The following SIPA1L1 variants were observed in gnomAD, a reference collection of about 807,000 sequenced individuals.
SIPA1L1 encodes signal induced proliferation associated 1 like 1.
Under a neutral mutation model 162.7 loss-of-function variants are expected in SIPA1L1, and 26 were observed. The ratio of observed to expected loss-of-function variants is 0.16; its 90% CI spans 0.12 to 0.22. The LOEUF (loss-of-function observed/expected upper bound fraction) is 0.22. Among genes scored for constraint, SIPA1L1 ranks in the 10% least tolerant of loss-of-function variants. The pLI is 1.00. For missense variants in SIPA1L1, 1,874 were observed against 2,241.0 expected (o/e 0.84, Z 3.31); for synonymous variants, 829 against 837.4 (o/e 0.99, Z 0.17).
intron 5 of SIPA1L1, among the ~76,000 whole-genome samples, chr14:71,593,188 G>GTTATTTAT (rs60160795): frequency 5.1e-3 from 751 of 147,016 alleles, no homozygotes; most frequent in Middle Eastern, 0.01. Context: ...TGTGTTTTGT[G>GTTATTTAT]TTATTTATTT....
rs771407619 is a variant in SIPA1L1 at position 71,587,865 on chromosome 14, T to A, written c.-8T>A. ...CTGCAGGGATTTAAGTCTACTTGCT[T>A]TTACATCATGACCAGCTTGAAACGG... On this transcript the variant is annotated 5_prime_UTR_variant, in exon 5 of 24. Coordinates refer to ENST00000381232, the MANE Select transcript of SIPA1L1 (RefSeq NM_001386936.1). 39 of 1,595,430 alleles carry A rather than the reference T, an allele frequency of 2.4e-5. No homozygotes were observed. The Middle Eastern group carries it at 1.2e-3, about 48-fold the overall frequency.
intron 7 of SIPA1L1, among the ~76,000 whole-genome samples, chr14:71,627,887 G>C (rs576488590): frequency 6.6e-6 from 1 of 151,950 alleles, no homozygotes; most frequent in South Asian, 2.1e-4. Context: ...TACATATCTC[G>C]AATTACTTTC....
chr14:71,724,686 G>A lies in SIPA1L1; in HGVS notation c.4465G>A (p.Gly1489Ser), dbSNP rs749700110. ...MDTRKRHQSDGNEIAHTRLRA... is the reference protein window; with the variant it reads ...MDTRKRHQSDSNEIAHTRLRA... ...TTTGTCCAGGCGTCATCAGAGCGAT[G>A]GCAATGAAATAGCCCACACCAGGCT... The change falls in exon 19 of 24, where the codon GGC becomes AGC. Residue 1489 changes from glycine (G) to serine (S), a missense_variant. By Grantham distance (56) the Gly-to-Ser change is moderately conservative. Coordinates refer to ENST00000381232, the MANE Select transcript of SIPA1L1 (RefSeq NM_001386936.1). 6.2e-7 allele frequency: 1 copy of A among 1,613,288 alleles called. No homozygotes were observed. Among genetic ancestry groups the A allele is most frequent in the Non-Finnish European group, 8.5e-7 (1 of 1,179,798 alleles).
chr14:71,365,892 ATT>A (rs1555405458), intron 2 of SIPA1L1, among the ~76,000 whole-genome samples: 3 of 84,714 alleles, frequency 3.5e-5, no homozygotes, highest in Non-Finnish European at 5.0e-5. Context: ...TGCCTGGTTA[ATT>A]TTTTTTTTTT....
chr14:71,409,728 T>G (rs1219871134), intron 2 of SIPA1L1, among the ~76,000 whole-genome samples: 1 of 152,214 alleles, frequency 6.6e-6, no homozygotes, highest in East Asian at 1.9e-4. Context: ...CTCACTAAAC[T>G]CTGGGAGTGA....
intron 2 of SIPA1L1, chr14:71,379,655 C>G (rs1566951351): frequency 6.6e-6 from 1 of 152,228 alleles, no homozygotes; most frequent in Non-Finnish European, 1.5e-5. Context: ...ATATAAAACA[C>G]TAATTCAGTG....
At chr14:71,565,244 A>G (rs945108942) in intron 4 of SIPA1L1, among the ~76,000 whole-genome samples, 5 of 152,196 alleles carry the variant, frequency 3.3e-5, no homozygotes, top group African/African-American at 1.2e-4. Flanking sequence ...TCTGTCTTAT[A>G]TAACACAACC....
intron 13 of SIPA1L1, among the ~76,000 whole-genome samples, chr14:71,698,780 C>G (rs1019623010): frequency 2.0e-5 from 3 of 151,634 alleles, no homozygotes; most frequent in Admixed American, 6.6e-5. Context: ...ACCCCCACCC[C>G]CTCCAAGGCA....
chr14:71,339,406 A>G (rs536371998), intron 2 of SIPA1L1, among the ~76,000 whole-genome samples: 1 of 150,208 alleles, frequency 6.7e-6, no homozygotes, highest in Admixed American at 6.6e-5. Flanking sequence ...TCTGTAGGCC[A>G]GGCTGGAGTG....
chr14:71,588,774 A>C lies in SIPA1L1; in HGVS notation c.902A>C (p.Asn301Thr). ...TCATCTATTTTTCGTAAATTGCGCAATGCCAAAGGTGAAGAACTTGGGAAG... is the reference window on the plus strand; with the variant it reads ...TCATCTATTTTTCGTAAATTGCGCACTGCCAAAGGTGAAGAACTTGGGAAG... The part of the protein sequence containing the change: ...GDSSIFRKLR[N>T]AKGEELGKSS... Residue 301 changes from asparagine (N) to threonine (T), a missense_variant, in exon 5 of 24, where the codon AAT (asparagine) becomes ACT (threonine). Coordinates refer to ENST00000381232, the MANE Select transcript of SIPA1L1 (RefSeq NM_001386936.1). The surrounding 1 kb of genome is among the most constrained non-coding windows in gnomAD (Gnocchi z 4.3). 6.2e-7 allele frequency: 1 copy of C among 1,614,128 alleles called. No homozygotes were observed. Among genetic ancestry groups the C allele is most frequent in the South Asian group, 1.1e-5 (1 of 91,082 alleles).
chr14:71,437,555 T>C (rs528518426), intron 2 of SIPA1L1, among the ~76,000 whole-genome samples: 1 of 152,160 alleles, frequency 6.6e-6, no homozygotes, highest in Admixed American at 6.5e-5. Flanking sequence ...TTTTTGGTAG[T>C]TTCACCATGT....
chr14:71,685,771 T>C, intron 13 of SIPA1L1, 140 bp downstream of exon 13: 1 of 1,111,416 alleles, frequency 9.0e-7, no homozygotes, highest in East Asian at 2.6e-5. Flanking sequence ...GTAGTGACTT[T>C]CAAAGCATGG....
chr14:71,388,859 A>G (rs1191196015), intron 2 of SIPA1L1, among the ~76,000 whole-genome samples: 1 of 152,198 alleles, frequency 6.6e-6, no homozygotes, highest in African/African-American at 2.4e-5. Context: ...TTTTTCATTG[A>G]AGAACTTTCT....
intron 2 of SIPA1L1, among the ~76,000 whole-genome samples, chr14:71,506,437 T>C (rs1345396367): frequency 2.0e-5 from 3 of 152,070 alleles, no homozygotes; most frequent in Non-Finnish European, 4.4e-5. Flanking sequence ...GCCTCACAAG[T>C]TCGAGTGATT....
At chr14:71,429,027 G>A (rs1304539583) in intron 2 of SIPA1L1, among the ~76,000 whole-genome samples, 1 of 152,106 alleles carries the variant, frequency 6.6e-6, no homozygotes, top group African/African-American at 2.4e-5. Context: ...TTGTCTGGGC[G>A]GGAAGACAGA....
intron 2 of SIPA1L1, among the ~76,000 whole-genome samples, chr14:71,428,319 A>G (rs1046275676): frequency 6.6e-6 from 1 of 151,672 alleles, no homozygotes; most frequent in Non-Finnish European, 1.5e-5. Context: ...TTTTAATCTC[A>G]TAATGTGCCA....
Position 71,739,616 on chromosome 14 carries a change from G to A in SIPA1L1, c.*455G>A, listed in dbSNP as rs1279587576. 6.6e-6 allele frequency: 1 copy of A among 152,406 alleles called. No individual in the cohort carries two copies. Among genetic ancestry groups the A allele is most frequent in the African/African-American group, 2.4e-5 (1 of 41,462 alleles). The allele number at this position is 152,406 out of a possible 1,614,324, so 9.4% of individuals were successfully genotyped here. ...GTTTTTATAACTTGTTTGGGGAGTA[G>A]AGAGGGATATTTCCTTACCTTCTTC... On this transcript the variant is annotated 3_prime_UTR_variant, in exon 24 of 24. Coordinates refer to ENST00000381232, the MANE Select transcript of SIPA1L1 (RefSeq NM_001386936.1).
intron 2 of SIPA1L1, among the ~76,000 whole-genome samples, chr14:71,492,390 G>C (rs2049355030): frequency 6.6e-6 from 1 of 152,082 alleles, no homozygotes; most frequent in African/African-American, 2.4e-5. Flanking sequence ...CCAGAAGTGG[G>C]GTTTACAGGT....
chr14:71,487,156 T>C (rs2048832848), intron 2 of SIPA1L1, among the ~76,000 whole-genome samples: 5 of 152,224 alleles, frequency 3.3e-5, no homozygotes. Context: ...AAACTTCTTT[T>C]GATCCTTCAG....
Sources: allele counts gnomAD v4.1 joint callset (sites outside exome capture counted in the v4.1 genomes callset), GRCh38; gene constraint gnomAD v4.1.1; non-coding constraint Gnocchi (gnomAD v3.1); transcripts MANE v1.5; gene names NCBI Gene and HGNC (gene_info 2026-07-23, HGNC 2026-07-21).